The following KCNB2 variants were observed in gnomAD, a reference collection of about 807,000 sequenced individuals.
KCNB2 encodes the protein delayed rectifier potassium channel protein.
KCNB2 carries 15 observed loss-of-function variants against 61.5 expected under a neutral mutation model. The ratio of observed to expected loss-of-function variants is 0.24; its 90% CI spans 0.16 to 0.38. KCNB2 has a LOEUF of 0.38. Among genes scored for constraint, KCNB2 ranks in the 10% least tolerant of loss-of-function variants. KCNB2 has a pLI of 1.00. For synonymous variants in KCNB2, 457 were observed against 446.0 expected (o/e 1.02, Z -0.31); for missense variants, 828 against 1,125.2 (o/e 0.74, Z 3.78).
intron 2 of KCNB2, among the ~76,000 whole-genome samples, chr8:72,806,827 G>T (rs1027482340): frequency 6.6e-6 from 1 of 152,114 alleles, no homozygotes; most frequent in Non-Finnish European, 1.5e-5. Context: ...AATAAACAGA[G>T]AAATTAGCAA....
intron 2 of KCNB2, among the ~76,000 whole-genome samples, chr8:72,763,060 A>G (rs1808409439): frequency 1.3e-5 from 2 of 149,036 alleles, no homozygotes. Context: ...AAAAAAAAAA[A>G]CAGAAAAAGA....
At chr8:72,798,731 T>A (rs980183642) in intron 2 of KCNB2, among the ~76,000 whole-genome samples, 1 of 152,268 alleles carries the variant, frequency 6.6e-6, no homozygotes, top group Non-Finnish European at 1.5e-5. Context: ...CTCACAGTAT[T>A]ACTCCCCCTA....
At chr8:72,873,433 A>G (rs1805649197) in intron 2 of KCNB2, among the ~76,000 whole-genome samples, 1 of 152,244 alleles carries the variant, frequency 6.6e-6, no homozygotes, top group Admixed American at 6.5e-5. Flanking sequence ...AAACAGCAAT[A>G]GAAAACCTCT....
At chr8:72,572,321 A>G (rs1806722256) in intron 2 of KCNB2, among the ~76,000 whole-genome samples, 1 of 152,172 alleles carries the variant, frequency 6.6e-6, no homozygotes, top group Non-Finnish European at 1.5e-5. Context: ...TCAGGAAGCT[A>G]GAACATAAGC....
At chr8:72,580,219 G>A (rs796674041) in intron 2 of KCNB2, among the ~76,000 whole-genome samples, 11 of 152,294 alleles carry the variant, frequency 7.2e-5, no homozygotes, top group African/African-American at 2.4e-4. Context: ...TTGACAGCAG[G>A]TGAATTTAGC....
At chr8:72,929,543 T>C (rs976022365) in intron 2 of KCNB2, among the ~76,000 whole-genome samples, 2 of 152,202 alleles carry the variant, frequency 1.3e-5, no homozygotes, top group Non-Finnish European at 2.9e-5. Flanking sequence ...GTTTTACTCA[T>C]TATGTAACAA....
intron 2 of KCNB2, among the ~76,000 whole-genome samples, chr8:72,935,096 A>G (rs1170900766): frequency 6.6e-6 from 1 of 152,110 alleles, no homozygotes; most frequent in Admixed American, 6.6e-5. Flanking sequence ...CAGAAAGGTT[A>G]AATAACTTGC....
rs140836089 is a variant in KCNB2, at chr8:72,689,591, T to C, written c.579+121278T>C. On this transcript the variant is annotated intron_variant, in intron 2 of 2. Coordinates refer to ENST00000523207, the MANE Select transcript of KCNB2 (RefSeq NM_004770.3). ...ACTCCCAGCCCCAGGAAGCTGCTAATCTCCTTTCTGTCTCTATAGATTTGC... is the reference window on the plus strand; with the variant it reads ...ACTCCCAGCCCCAGGAAGCTGCTAACCTCCTTTCTGTCTCTATAGATTTGC... Among the ~76,000 whole-genome samples the C allele has an allele frequency of 1.2e-4, 19 of 152,290 alleles. No homozygotes were observed. In the East Asian group the frequency reaches 2.7e-3, roughly 22 times the overall value.
chr8:72,716,092 C>A (rs1320031128), intron 2 of KCNB2, among the ~76,000 whole-genome samples: 1 of 152,186 alleles, frequency 6.6e-6, no homozygotes, highest in African/African-American at 2.4e-5. Context: ...GACACATACA[C>A]CCTCCCAAGA....
chr8:72,548,251 C>A (rs1375278099), intron 1 of KCNB2, among the ~76,000 whole-genome samples: 5 of 152,146 alleles, frequency 3.3e-5, no homozygotes, highest in Non-Finnish European at 5.9e-5. Context: ...TGGAACTAAA[C>A]CTGTAATATC....
chr8:72,768,885 G>A (rs1475499624), intron 2 of KCNB2, among the ~76,000 whole-genome samples: 3 of 152,124 alleles, frequency 2.0e-5, no homozygotes, highest in African/African-American at 7.2e-5. Flanking sequence ...ACATGGCCTG[G>A]CACGGTGGCT....
At chr8:72,858,016 A>G (rs568152372) in intron 2 of KCNB2, among the ~76,000 whole-genome samples, 1 of 152,344 alleles carries the variant, frequency 6.6e-6, no homozygotes, top group African/African-American at 2.4e-5. Flanking sequence ...GAGTAACTTT[A>G]GAGTTAAAAT....
At chr8:72,846,794 T>A (rs1235836701) in intron 2 of KCNB2, among the ~76,000 whole-genome samples, 1 of 151,988 alleles carries the variant, frequency 6.6e-6, no homozygotes, top group Non-Finnish European at 1.5e-5. Flanking sequence ...ATAGGAATGC[T>A]TTTACACTGT....
At chr8:72,596,780 A>G (rs1308646351) in intron 2 of KCNB2, among the ~76,000 whole-genome samples, 1 of 152,186 alleles carries the variant, frequency 6.6e-6, no homozygotes, top group East Asian at 1.9e-4. Flanking sequence ...CTAAAAAATC[A>G]TCTTCCATCA....
Position 72,840,173 on chromosome 8 carries a change from T to C in KCNB2, c.580-95762T>C, listed in dbSNP as rs143242451. On this transcript the variant is annotated intron_variant, in intron 2 of 2. Transcript: ENST00000523207. The stretch of plus-strand genomic sequence containing the variant: ...AGAACATGCCATGTTTGGTTTTCTG[T>C]TCCTGTGTTACTTTGCTGAGAACGA... Among the ~76,000 whole-genome samples the C allele has an allele frequency of 6.0e-3, 912 of 152,270 alleles. 6 individuals are homozygous for C. Among genetic ancestry groups the C allele is most frequent in the Non-Finnish European group, 9.0e-3 (611 of 68,030 alleles).
At chr8:72,909,305 A>G (rs560127893) in intron 2 of KCNB2, among the ~76,000 whole-genome samples, 1 of 152,288 alleles carries the variant, frequency 6.6e-6, no homozygotes, top group Non-Finnish European at 1.5e-5. Flanking sequence ...TCAAGGGAGA[A>G]GGGGGAAGAA....
chr8:72,591,027 G>C (rs775627354), intron 2 of KCNB2, among the ~76,000 whole-genome samples: 1 of 152,036 alleles, frequency 6.6e-6, no homozygotes, highest in Non-Finnish European at 1.5e-5. Context: ...TCACACCTTG[G>C]GAGAGGTAAA....
intron 2 of KCNB2, among the ~76,000 whole-genome samples, chr8:72,869,583 A>G (rs547223044): frequency 6.6e-6 from 1 of 152,242 alleles, no homozygotes; most frequent in African/African-American, 2.4e-5. Flanking sequence ...ACAAATGGCC[A>G]ACAGGTATAT....
At position 72,922,426 on chromosome 8, in the gene KCNB2, T is replaced by G. The variant is rs949005336; in HGVS notation, c.580-13509T>G. On this transcript the variant is annotated intron_variant, in intron 2 of 2. Transcript: ENST00000523207. Reference sequence around the variant, plus strand: ...ATTCCTGCTGCTATAACAAAATACCTTAGACTGTGTAATTTATAAACAATG... The same window carrying G: ...ATTCCTGCTGCTATAACAAAATACCGTAGACTGTGTAATTTATAAACAATG... 2.6e-5 allele frequency among the ~76,000 whole-genome samples: 4 copies of G among 152,222 alleles called. No individual in the cohort carries two copies. The East Asian group carries it at 7.7e-4, about 29-fold the overall frequency.
Sources: gnomAD v4.1 joint callset for allele counts (sites outside exome capture counted in the v4.1 genomes callset) on GRCh38, gnomAD v4.1.1 for gene constraint, MANE v1.5 for transcripts, NCBI Gene and HGNC (gene_info 2026-07-23, HGNC 2026-07-21) for gene names.